Variants in SGCD observed in about 807,000 individuals in gnomAD.
The protein encoded by SGCD is sarcoglycan delta.
In SGCD, 18 loss-of-function variants were observed where a neutral mutation model predicts 36.6. That is an observed-to-expected ratio of 0.49 (90% CI 0.34 to 0.73). The LOEUF (loss-of-function observed/expected upper bound fraction) is 0.73. Among genes scored for constraint, SGCD ranks in the 30% least tolerant of loss-of-function variants. The pLI is 0.01. For missense variants in SGCD, 387 were observed against 346.7 expected (o/e 1.12, Z -0.92); for synonymous variants, 133 against 130.6 (o/e 1.02, Z -0.12).
chr5:156,092,769 A>G (rs866324637), intron 1 of SGCD, among the ~76,000 whole-genome samples: 1 of 152,232 alleles, frequency 6.6e-6, no homozygotes, highest in Middle Eastern at 3.2e-3. Flanking sequence ...ATAGCAGGTC[A>G]TATCCCAGTG....
At chr5:156,646,992 A>G (rs1763251017) in intron 6 of SGCD, among the ~76,000 whole-genome samples, 1 of 152,168 alleles carries the variant, frequency 6.6e-6, no homozygotes, top group Admixed American at 6.6e-5. Context: ...TATTTACTGA[A>G]AAACTTTTGC....
intron 7 of SGCD, among the ~76,000 whole-genome samples, chr5:156,711,933 C>CA (rs1034575826): frequency 6.6e-6 from 1 of 152,208 alleles, no homozygotes; most frequent in African/African-American, 2.4e-5. Flanking sequence ...ATATGCTTAA[C>CA]AAGGGGTGGA....
intron 4 of SGCD, among the ~76,000 whole-genome samples, chr5:156,560,952 A>G (rs1759242566): frequency 6.6e-6 from 1 of 152,198 alleles, no homozygotes; most frequent in Non-Finnish European, 1.5e-5. Context: ...TAAAGCTCTT[A>G]CCTTGGCATA....
intron 1 of SGCD, among the ~76,000 whole-genome samples, chr5:156,102,865 TATAA>T (rs965518110): frequency 1.3e-5 from 2 of 152,248 alleles, no homozygotes; most frequent in Admixed American, 1.3e-4. Context: ...ATACACACTA[TATAA>T]ATATACACAT....
chr5:155,942,326 G>GTATC (rs200508490), intron 1 of SGCD, among the ~76,000 whole-genome samples: 1,594 of 111,320 alleles, frequency 0.014, 18 homozygotes, highest in East Asian at 0.045. Context: ...ATGTATGTAT[G>GTATC]TATGTATGTA....
chr5:156,499,308 T>C (rs562317130), intron 3 of SGCD, among the ~76,000 whole-genome samples: 1 of 152,226 alleles, frequency 6.6e-6, no homozygotes, highest in Non-Finnish European at 1.5e-5. Context: ...GAGCACTTTC[T>C]GAACAATCTC....
rs1039270776 is a variant in SGCD, at chr5:155,951,395, A to G, written c.-282+80971A>G. 3.3e-5 allele frequency among the ~76,000 whole-genome samples: 5 copies of G among 152,154 alleles called. No individual in the cohort carries two copies. The East Asian group carries it at 9.7e-4, about 29-fold the overall frequency. On this transcript the variant is annotated intron_variant, in intron 1 of 9. Coordinates refer to the SGCD transcript ENST00000517913. ...GACCCAATGATGTGGTTAAATCTCA[A>G]AAATATGATGTTGGCCCAAAGAATT...
chr5:155,943,479 C>G (rs919419166), intron 1 of SGCD, among the ~76,000 whole-genome samples: 3 of 152,058 alleles, frequency 2.0e-5, no homozygotes, highest in Admixed American at 6.5e-5. Context: ...TGTGCTTGAT[C>G]TAGGAGAGAC....
chr5:156,170,761 C>T (rs73811524), intron 3 of SGCD, among the ~76,000 whole-genome samples: 6,632 of 152,234 alleles, frequency 0.044, 329 homozygotes, highest in African/African-American at 0.12. Flanking sequence ...AGACCATCAC[C>T]CCACTATCCT....
At chr5:156,419,972 C>T (rs998127592) in intron 3 of SGCD, among the ~76,000 whole-genome samples, 1 of 152,028 alleles carries the variant, frequency 6.6e-6, no homozygotes, top group Non-Finnish European at 1.5e-5. Context: ...GATGGAAGAG[C>T]CTAGGAAGAC....
the SGCD span, among the ~76,000 whole-genome samples, chr5:155,808,942 G>T: frequency 6.6e-6 from 1 of 152,188 alleles, no homozygotes; most frequent in East Asian, 1.9e-4. Flanking sequence ...ATACTTCTAG[G>T]CTTCTTTATA....
chr5:156,540,476 T>G (rs1758307572), intron 4 of SGCD, among the ~76,000 whole-genome samples: 1 of 152,116 alleles, frequency 6.6e-6, no homozygotes, highest in South Asian at 2.1e-4. Context: ...AGAGAAGAAA[T>G]GTCTTCCCTT....
intron 1 of SGCD, among the ~76,000 whole-genome samples, chr5:156,047,777 C>T (rs529087959): frequency 6.6e-6 from 1 of 152,094 alleles, no homozygotes; most frequent in East Asian, 1.9e-4. Context: ...CATTCTCCAG[C>T]CCATGGATCA....
intron 3 of SGCD, among the ~76,000 whole-genome samples, chr5:156,130,233 A>G (rs1581117616): frequency 1.3e-5 from 2 of 152,102 alleles, no homozygotes; most frequent in Admixed American, 1.3e-4. Flanking sequence ...GCATTTCTCT[A>G]ATGATCATTG....
chr5:156,737,655 C>T (rs1369843361), intron 7 of SGCD, among the ~76,000 whole-genome samples: 1 of 152,106 alleles, frequency 6.6e-6, no homozygotes, highest in Non-Finnish European at 1.5e-5. Flanking sequence ...CTACTGAAGG[C>T]TAGCATGGGG....
chr5:156,579,730 G>C (rs1760162771), intron 4 of SGCD, among the ~76,000 whole-genome samples: 2 of 152,040 alleles, frequency 1.3e-5, no homozygotes, highest in Admixed American at 6.6e-5. Context: ...GACTAGGATT[G>C]CAACTCCTGC....
intron 3 of SGCD, among the ~76,000 whole-genome samples, chr5:156,196,732 A>T (rs1239520928): frequency 6.6e-6 from 1 of 152,176 alleles, no homozygotes; most frequent in Non-Finnish European, 1.5e-5. Context: ...ATGTATACTA[A>T]ATTCTAGAAA....
Position 155,885,443 on chromosome 5 carries a change from C to T in SGCD, c.-282+15019C>T, listed in dbSNP as rs938693346. On this transcript the variant is annotated intron_variant, in intron 1 of 9. Coordinates refer to the SGCD transcript ENST00000517913. ...TATTGAGTTAGGAGGTGCAGCATTA[C>T]GTCTATGTATCATCAAAGTAAAAAA... is the stretch of plus-strand genomic sequence containing the variant. 4.8e-5 allele frequency among the ~76,000 whole-genome samples: 4 copies of T among 83,558 alleles called. 2 individuals are homozygous for T. The highest frequency in any genetic ancestry group is 8.6e-5 in the Non-Finnish European group (4 of 46,500). The allele number at this position is 83,558 out of a possible 152,430, so 54.8% of individuals were successfully genotyped here.
intron 7 of SGCD, among the ~76,000 whole-genome samples, chr5:156,680,498 C>G (rs941343639): frequency 2.6e-5 from 4 of 152,134 alleles, no homozygotes; most frequent in Non-Finnish European, 5.9e-5. Flanking sequence ...GTAAGAAAAT[C>G]CAGGCTGAAA....
Sources: gnomAD v4.1 joint callset for allele counts (sites outside exome capture counted in the v4.1 genomes callset) on GRCh38, gnomAD v4.1.1 for gene constraint, MANE v1.5 for transcripts, NCBI Gene and HGNC (gene_info 2026-07-23, HGNC 2026-07-21) for gene names.